The following ZNF486 variants were observed in gnomAD, a reference collection of about 807,000 sequenced individuals.
ZNF486 encodes the protein KRAB box only protein 2.
In ZNF486, 12 loss-of-function variants were observed where a neutral mutation model predicts 12.8. That is an observed-to-expected ratio of 0.94 (90% CI 0.60 to 1.52). The LOEUF is 1.52. Ranked by LOEUF, ZNF486 falls within the 40% of genes most tolerant of loss-of-function variation. The probability of loss-of-function intolerance (pLI) is 0.00; values close to 1 mark genes in which losing one functional copy is unlikely to be tolerated. For missense variants in ZNF486, 738 were observed against 545.0 expected (o/e 1.35, Z -3.53); for synonymous variants, 231 against 184.9 (o/e 1.25, Z -2.02).
chr19:20,182,269 C>T (rs1399811845), intron 1 of ZNF486, among the ~76,000 whole-genome samples: 1 of 152,156 alleles, frequency 6.6e-6, no homozygotes, highest in Non-Finnish European at 1.5e-5. Flanking sequence ...CCTTTTCAAG[C>T]CTCCAGAATC....
rs781799276 is a variant in ZNF486, at chr19:20,167,242, C to T, written c.-89C>T. On this transcript the variant is annotated 5_prime_UTR_variant, in exon 1 of 4. Coordinates refer to ENST00000335117, the MANE Select transcript of ZNF486 (RefSeq NM_052852.4). ...TCTCGCTGCATCTGGAGCTCTAGGTCGCCTCTTCGCTACTCTGTGTCCTCT... is the reference window on the plus strand; with the variant it reads ...TCTCGCTGCATCTGGAGCTCTAGGTTGCCTCTTCGCTACTCTGTGTCCTCT... 4 of 1,521,122 alleles carry T rather than the reference C, an allele frequency of 2.6e-6. No homozygotes were observed. In the Admixed American group the frequency reaches 5.0e-5, roughly 19 times the overall value. The allele number at this position is 1,521,122 out of a possible 1,614,324, so 94.2% of individuals were successfully genotyped here. A position where few individuals can be genotyped will look rare whatever the true frequency, so the allele number is the denominator to read the frequency against.
intron 3 of ZNF486, among the ~76,000 whole-genome samples, chr19:20,187,500 GTTTTT>G (rs57208523): frequency 8.4e-6 from 1 of 119,662 alleles, no homozygotes; most frequent in Non-Finnish European, 1.7e-5. Flanking sequence ...ACCTCTTCAA[GTTTTT>G]TTTTTTTTTT....
At chr19:20,183,095 C>T (rs1555715819) in intron 1 of ZNF486, among the ~76,000 whole-genome samples, 1 of 152,138 alleles carries the variant, frequency 6.6e-6, no homozygotes, top group African/African-American at 2.4e-5. Flanking sequence ...TATTTCTTTC[C>T]TATATCCCAG....
At chr19:20,179,479 A>G (rs782555690) in intron 1 of ZNF486, among the ~76,000 whole-genome samples, 32 of 152,012 alleles carry the variant, frequency 2.1e-4, no homozygotes, top group Non-Finnish European at 4.3e-4. Flanking sequence ...ATGTTATGTC[A>G]CCTTTTTTTT....
At chr19:20,179,672 G>T (rs1555715267) in intron 1 of ZNF486, among the ~76,000 whole-genome samples, 1 of 152,102 alleles carries the variant, frequency 6.6e-6, no homozygotes. Context: ...GATAGAGAAT[G>T]TACAGAAAAT....
At position 20,196,992 on chromosome 19, in the gene ZNF486, T is replaced by C. The variant is rs201066903; in HGVS notation, c.282T>C (p.Leu94=). ...PVVCSHFAQD[L]WPEQSIKDSY... is the part of the protein sequence containing the mutation. ...TGTGTTCTCATTTTGCCCAAGACCT[T>C]TGGCCAGAGCAGAGCATAAAAGATT... The change falls in exon 4 of 4, where the codon CTT becomes CTC. Residue 94 remains leucine (L), a synonymous_variant. Transcript: ENST00000335117. The C allele has an allele frequency of 2.2e-3, 3,452 of 1,569,974 alleles. 20 individuals carry two copies. The highest frequency in any genetic ancestry group is 0.015 in the South Asian group (1,276 of 82,622).
At chr19:20,187,336 C>T (rs782741126) in intron 3 of ZNF486, among the ~76,000 whole-genome samples, 10 of 152,002 alleles carry the variant, frequency 6.6e-5, no homozygotes, top group Non-Finnish European at 1.2e-4. Flanking sequence ...CTACAAACAG[C>T]GACTTTTTAC....
rs781956218 is a variant in ZNF486 at position 20,197,468 on chromosome 19, T to G, written c.758T>G (p.Phe253Cys). The change falls in exon 4 of 4, where the codon TTT becomes TGT. Residue 253 changes from phenylalanine (F) to cysteine (C), a missense_variant. Coordinates refer to ENST00000335117, the MANE Select transcript of ZNF486 (RefSeq NM_052852.4). ...CGKVFKYFSS[F>C]TTHKKIHSGE... is the part of the protein sequence containing the mutation. ...AAAGTCTTTAAGTACTTCTCTAGCT[T>G]TACTACACATAAGAAAATTCATAGT... is the stretch of plus-strand genomic sequence containing the variant. The G allele has an allele frequency of 6.2e-7, 1 of 1,608,710 alleles. No individual in the cohort carries two copies. Among genetic ancestry groups the G allele is most frequent in the South Asian group, 1.1e-5 (1 of 90,538 alleles).
chr19:20,185,972 T>C lies in ZNF486; in HGVS notation c.158-15T>C. The stretch of plus-strand genomic sequence containing the variant: ...ATATAAGCAAGATTAATGCTATTTA[T>C]TTTTAATGAAACAGGTATTATTGTC... On this transcript the variant is annotated splice_polypyrimidine_tract_variant and intron_variant, in intron 2 of 3. Coordinates refer to ENST00000335117, the MANE Select transcript of ZNF486 (RefSeq NM_052852.4). 6.7e-7 allele frequency: 1 copy of C among 1,503,006 alleles called. No individual in the cohort carries two copies. The highest frequency in any genetic ancestry group is 1.4e-5 in the African/African-American group (1 of 70,600). The allele number at this position is 1,503,006 out of a possible 1,614,324, so 93.1% of individuals were successfully genotyped here. A position where few individuals can be genotyped will look rare whatever the true frequency, so the allele number is the denominator to read the frequency against.
At chr19:20,180,907 GT>G (rs2089777670) in intron 1 of ZNF486, among the ~76,000 whole-genome samples, 4 of 152,254 alleles carry the variant, frequency 2.6e-5, no homozygotes, top group Admixed American at 2.6e-4. Context: ...TAAGGGATTT[GT>G]TTAAATTGTG....
intron 3 of ZNF486, among the ~76,000 whole-genome samples, chr19:20,193,742 ACT>A (rs757236859): frequency 3.3e-5 from 5 of 152,056 alleles, no homozygotes; most frequent in Admixed American, 2.6e-4. Flanking sequence ...AGAAAAACTT[ACT>A]GTTATTTTTA....
At chr19:20,168,181 G>A (rs1442715964) in intron 1 of ZNF486, among the ~76,000 whole-genome samples, 1 of 152,042 alleles carries the variant, frequency 6.6e-6, no homozygotes, top group Non-Finnish European at 1.5e-5. Flanking sequence ...CCAACACCGT[G>A]AACCCCGTCT....
intron 1 of ZNF486, among the ~76,000 whole-genome samples, chr19:20,179,848 T>C (rs1490479518): frequency 1.3e-5 from 2 of 152,282 alleles, no homozygotes; most frequent in East Asian, 3.9e-4. Context: ...TCTGTAAGTG[T>C]AAATAATCAT....
intron 1 of ZNF486, among the ~76,000 whole-genome samples, chr19:20,167,874 C>G (rs1364373965): frequency 6.6e-6 from 1 of 151,900 alleles, no homozygotes; most frequent in South Asian, 2.1e-4. Flanking sequence ...AAAGACTCAA[C>G]TTCCTGATCA....
chr19:20,167,468 G>C (rs1168526467), intron 1 of ZNF486, 108 bp downstream of exon 1: 2 of 1,333,926 alleles, frequency 1.5e-6, no homozygotes, highest in Admixed American at 2.1e-5. Flanking sequence ...TCTGCGTCCG[G>C]ACTTCTCCTT....
intron 1 of ZNF486, among the ~76,000 whole-genome samples, chr19:20,183,625 G>C (rs553559408): frequency 2.6e-5 from 4 of 152,064 alleles, no homozygotes; most frequent in African/African-American, 9.7e-5. Context: ...GCAGTTAATG[G>C]TTAATGATTC....
At chr19:20,181,555 AAG>A (rs1555715585) in intron 1 of ZNF486, among the ~76,000 whole-genome samples, 11 of 151,976 alleles carry the variant, frequency 7.2e-5, no homozygotes, top group Middle Eastern at 3.4e-3. Context: ...AAAAAAAAAA[AAG>A]GGAAAAATAA....
At chr19:20,188,415 G>A (rs782231579) in intron 3 of ZNF486, 59 of 398,316 alleles carry the variant, frequency 1.5e-4, no homozygotes, top group African/African-American at 1.1e-3. Flanking sequence ...GCATGGTTGT[G>A]GCTCCCATCT....
intron 3 of ZNF486, among the ~76,000 whole-genome samples, chr19:20,194,610 C>A (rs1018691408): frequency 5.3e-5 from 8 of 152,094 alleles, no homozygotes. Context: ...CGCCTGTAAT[C>A]CCAGCTACTC....
Sources: allele counts gnomAD v4.1 joint callset (sites outside exome capture counted in the v4.1 genomes callset), GRCh38; gene constraint gnomAD v4.1.1; transcripts MANE v1.5; gene names NCBI Gene and HGNC (gene_info 2026-07-23, HGNC 2026-07-21).